The following MAPKAP1 variants were observed in gnomAD, a reference collection of about 807,000 sequenced individuals.
MAPKAP1 encodes MAPK associated protein 1.
MAPKAP1 carries 20 observed loss-of-function variants against 65.7 expected under a neutral mutation model. That is an observed-to-expected ratio of 0.30 (90% CI 0.21 to 0.44). The LOEUF (loss-of-function observed/expected upper bound fraction) is 0.44. Among genes scored for constraint, MAPKAP1 ranks in the 20% least tolerant of loss-of-function variants. MAPKAP1 has a pLI of 1.00. For synonymous variants in MAPKAP1, 222 were observed against 244.3 expected (o/e 0.91, Z 0.85); for missense variants, 423 against 648.0 (o/e 0.65, Z 3.77).
At chr9:125,494,824 G>A (rs1854880766) in intron 8 of MAPKAP1, among the ~76,000 whole-genome samples, 1 of 151,978 alleles carries the variant, frequency 6.6e-6, no homozygotes, top group South Asian at 2.1e-4. Flanking sequence ...ACCTGCTCTG[G>A]TCCCCTGCTA....
intron 7 of MAPKAP1, among the ~76,000 whole-genome samples, chr9:125,539,220 C>T (rs1208479819): frequency 2.0e-5 from 3 of 152,112 alleles, no homozygotes. Flanking sequence ...GGCTTATTAA[C>T]AATATTTTAA....
chr9:125,666,587 G>A (rs1834346079), intron 3 of MAPKAP1, among the ~76,000 whole-genome samples: 1 of 152,196 alleles, frequency 6.6e-6, no homozygotes, highest in Non-Finnish European at 1.5e-5. Context: ...TGAATCCAGA[G>A]TTTGAGGCCA....
At chr9:125,505,723 C>T (rs967377013) in intron 8 of MAPKAP1, among the ~76,000 whole-genome samples, 10 of 152,166 alleles carry the variant, frequency 6.6e-5, no homozygotes, top group Non-Finnish European at 1.5e-4. Context: ...GTGTAAAAGC[C>T]TCGAAGCAGG....
intron 4 of MAPKAP1, among the ~76,000 whole-genome samples, chr9:125,651,615 A>C (rs1021075908): frequency 1.8e-4 from 28 of 152,172 alleles, no homozygotes; most frequent in Non-Finnish European, 3.2e-4. Context: ...CAAAAAAACA[A>C]AACAAAACAA....
At chr9:125,593,063 G>A (rs556294634) in intron 4 of MAPKAP1, among the ~76,000 whole-genome samples, 3 of 151,960 alleles carry the variant, frequency 2.0e-5, no homozygotes, top group Non-Finnish European at 4.4e-5. Flanking sequence ...TTGGGAGGCC[G>A]AGGCGGGCAG....
chr9:125,503,930 G>T (rs1367457388), intron 8 of MAPKAP1, among the ~76,000 whole-genome samples: 3 of 136,408 alleles, frequency 2.2e-5, no homozygotes, highest in African/African-American at 8.8e-5. Context: ...AGAGACGGGG[G>T]TTTGCCATGT....
intron 7 of MAPKAP1, among the ~76,000 whole-genome samples, chr9:125,535,851 T>C (rs1564546848): frequency 6.6e-6 from 1 of 152,182 alleles, no homozygotes; most frequent in Non-Finnish European, 1.5e-5. Flanking sequence ...TAAGTGTGTG[T>C]GTGTGTCTCC....
chr9:125,454,548 T>G (rs1853092351), intron 10 of MAPKAP1, among the ~76,000 whole-genome samples: 1 of 152,238 alleles, frequency 6.6e-6, no homozygotes, highest in Non-Finnish European at 1.5e-5. Context: ...AAATACTGTT[T>G]TATCACTTTT....
intron 10 of MAPKAP1, among the ~76,000 whole-genome samples, chr9:125,460,665 T>C (rs1030788891): frequency 4.6e-5 from 7 of 152,178 alleles, no homozygotes; most frequent in African/African-American, 1.7e-4. Context: ...ACCTTTTTTA[T>C]AGGAACTACA....
rs1030477444 is a variant in MAPKAP1 at position 125,640,099 on chromosome 9, G to A, written c.498+17552C>T. Among the ~76,000 whole-genome samples the A allele has an allele frequency of 4.6e-5, 7 of 151,986 alleles. 1 individual carries two copies. The South Asian group carries it at 1.3e-3, about 27-fold the overall frequency. ...AATCATCCTGTCCTTAGATCATCAC[G>A]TTCTGTTTATCCCTTTTTTTTTGAG... On this transcript the variant is annotated intron_variant, in intron 4 of 11. Transcript: ENST00000265960.
chr9:125,685,048 T>TAGTA (rs1834934726), intron 1 of MAPKAP1, among the ~76,000 whole-genome samples: 1 of 152,108 alleles, frequency 6.6e-6, no homozygotes, highest in Non-Finnish European at 1.5e-5. Context: ...CACTGCCTGT[T>TAGTA]AGTAAGGTGC....
At chr9:125,531,925 T>C (rs541974815) in intron 7 of MAPKAP1, among the ~76,000 whole-genome samples, 1 of 152,356 alleles carries the variant, frequency 6.6e-6, no homozygotes, top group Non-Finnish European at 1.5e-5. Context: ...AAAATTTACA[T>C]GCAATATACA....
intron 6 of MAPKAP1, among the ~76,000 whole-genome samples, chr9:125,555,341 C>G (rs1046843822): frequency 6.6e-6 from 1 of 152,268 alleles, no homozygotes; most frequent in South Asian, 2.1e-4. Context: ...GATGAAGAAA[C>G]TGAGACTTAA....
intron 4 of MAPKAP1, among the ~76,000 whole-genome samples, chr9:125,613,673 G>A (rs914374590): frequency 6.6e-6 from 1 of 152,126 alleles, no homozygotes; most frequent in Non-Finnish European, 1.5e-5. Flanking sequence ...TTCAGAGACT[G>A]CTTCCCAGGA....
At chr9:125,537,101 T>A (rs1478910673) in intron 7 of MAPKAP1, among the ~76,000 whole-genome samples, 1 of 152,208 alleles carries the variant, frequency 6.6e-6, no homozygotes, top group Non-Finnish European at 1.5e-5. Context: ...ATAAGCAACA[T>A]GGTACAAATA....
intron 6 of MAPKAP1, among the ~76,000 whole-genome samples, chr9:125,556,168 T>TG (rs2133203571): frequency 6.6e-6 from 1 of 152,332 alleles, no homozygotes; most frequent in African/African-American, 2.4e-5. Flanking sequence ...AACTGATCTG[T>TG]GAGGTAGGTA....
chr9:125,528,282 T>C (rs1829830160), intron 7 of MAPKAP1, among the ~76,000 whole-genome samples: 1 of 152,210 alleles, frequency 6.6e-6, no homozygotes, highest in Non-Finnish European at 1.5e-5. Context: ...AGAGGATTAG[T>C]GTCCCTTCCC....
At chr9:125,625,728 G>A (rs1441151449) in intron 4 of MAPKAP1, among the ~76,000 whole-genome samples, 1 of 152,196 alleles carries the variant, frequency 6.6e-6, no homozygotes, top group Admixed American at 6.5e-5. Flanking sequence ...CTGGGAGACA[G>A]AGGTTGCAGT....
At chr9:125,680,356 A>T (rs913387468) in intron 1 of MAPKAP1, among the ~76,000 whole-genome samples, 1 of 152,184 alleles carries the variant, frequency 6.6e-6, no homozygotes, top group African/African-American at 2.4e-5. Flanking sequence ...GTTAAAGCTC[A>T]GAATTCATAC....
Sources: allele counts gnomAD v4.1 joint callset (sites outside exome capture counted in the v4.1 genomes callset), GRCh38; gene constraint gnomAD v4.1.1; transcripts MANE v1.5; gene names NCBI Gene and HGNC (gene_info 2026-07-23, HGNC 2026-07-21).